ZBTB44: variants seen among roughly 807,000 people sequenced by gnomAD.
ZBTB44 encodes the protein zinc finger and BTB domain containing 44.
ZBTB44 carries 15 observed loss-of-function variants against 54.0 expected under a neutral mutation model. The ratio of observed to expected loss-of-function variants is 0.28; its 90% CI spans 0.19 to 0.43. The LOEUF is 0.43. ZBTB44 is among the 20% of genes least tolerant of loss of function. ZBTB44 has a pLI of 1.00. For synonymous variants in ZBTB44, 230 were observed against 250.1 expected, an observed-to-expected ratio of 0.92 and a Z score of 0.76; for missense variants, 487 against 707.1, an observed-to-expected ratio of 0.69 and a Z score of 3.53.
intron 1 of ZBTB44, among the ~76,000 whole-genome samples, chr11:130,307,071 CAAA>C (rs201177615): frequency 7.4e-6 from 1 of 134,484 alleles, no homozygotes. Context: ...AAAGAACAAG[CAAA>C]AAAAAAAAAA....
chr11:130,256,837 C>A (rs949618445), intron 2 of ZBTB44, among the ~76,000 whole-genome samples: 1 of 151,962 alleles, frequency 6.6e-6, no homozygotes, highest in African/African-American at 2.4e-5. Context: ...AAAACCGGCA[C>A]AAGACAAGGA....
At chr11:130,312,451 AG>A (rs1177719438) in intron 1 of ZBTB44, among the ~76,000 whole-genome samples, 1 of 152,238 alleles carries the variant, frequency 6.6e-6, no homozygotes, top group East Asian at 1.9e-4. Context: ...TTCTTGCCAA[AG>A]GAAGTTTTAC....
At chr11:130,248,552 A>G (rs1182599552) in intron 2 of ZBTB44, among the ~76,000 whole-genome samples, 2 of 151,876 alleles carry the variant, frequency 1.3e-5, no homozygotes, top group African/African-American at 4.8e-5. Flanking sequence ...GAGGCAGGAC[A>G]ATTACTTGAA....
intron 2 of ZBTB44, 88 bp from the exon 3 acceptor site, chr11:130,239,984 T>A: frequency 1.2e-6 from 1 of 848,198 alleles, no homozygotes; most frequent in Non-Finnish European, 1.9e-6. Flanking sequence ...TCTAAGCCTC[T>A]GACATATATT....
intron 1 of ZBTB44, among the ~76,000 whole-genome samples, chr11:130,277,455 G>A (rs997536836): frequency 1.3e-5 from 2 of 151,534 alleles, no homozygotes; most frequent in Non-Finnish European, 3.0e-5. Flanking sequence ...AACACAATAT[G>A]TGGTCATGAT....
intron 5 of ZBTB44, 109 bp downstream of exon 5, chr11:130,236,684 G>A (rs1057033269): frequency 3.4e-6 from 4 of 1,165,370 alleles, no homozygotes; most frequent in Non-Finnish European, 4.4e-6. Context: ...TAACAAATGT[G>A]ACTGACTAGC....
chr11:130,239,713 G>C (rs1422528228), intron 3 of ZBTB44, 99 bp downstream of exon 3: 1 of 903,638 alleles, frequency 1.1e-6, no homozygotes, highest in African/African-American at 1.7e-5. Flanking sequence ...ACTGAAGTGA[G>C]GTTGTAATAA....
intron 1 of ZBTB44, among the ~76,000 whole-genome samples, chr11:130,313,231 A>T (rs945189601): frequency 1.3e-5 from 2 of 152,228 alleles, no homozygotes; most frequent in Non-Finnish European, 2.9e-5. Flanking sequence ...CGTATCACTA[A>T]GTTTGTCACT....
chr11:130,307,408 C>T (rs1942333849), intron 1 of ZBTB44, among the ~76,000 whole-genome samples: 1 of 135,676 alleles, frequency 7.4e-6, no homozygotes, highest in African/African-American at 2.8e-5. Context: ...CTGGGCAACA[C>T]AGCAAGACTC....
chr11:130,264,056 G>A (rs543927119), intron 1 of ZBTB44, among the ~76,000 whole-genome samples: 61 of 152,260 alleles, frequency 4.0e-4, no homozygotes, highest in Admixed American at 1.8e-3. Context: ...TCTGCATGCT[G>A]GTTCTGCTAT....
chr11:130,279,945 T>C (rs1940387764), intron 1 of ZBTB44, among the ~76,000 whole-genome samples: 1 of 152,188 alleles, frequency 6.6e-6, no homozygotes, highest in Admixed American at 6.5e-5. Flanking sequence ...TCTCTAAAGC[T>C]GGGGATGGAA....
chr11:130,298,175 ACT>A (rs1331907132), intron 1 of ZBTB44, among the ~76,000 whole-genome samples: 1 of 151,878 alleles, frequency 6.6e-6, no homozygotes, highest in Non-Finnish European at 1.5e-5. Flanking sequence ...ATAGGGTCTT[ACT>A]CTGTTGCCTA....
chr11:130,288,029 C>T (rs561371492), intron 1 of ZBTB44, among the ~76,000 whole-genome samples: 1 of 151,318 alleles, frequency 6.6e-6, no homozygotes, highest in Non-Finnish European at 1.5e-5. Context: ...CTCTTTAAGT[C>T]TGGCTTATTG....
chr11:130,267,776 C>T (rs538641435), intron 1 of ZBTB44, among the ~76,000 whole-genome samples: 3 of 152,134 alleles, frequency 2.0e-5, no homozygotes, highest in East Asian at 1.9e-4. Flanking sequence ...GAGAAATCCT[C>T]GTGAAGGCCG....
chr11:130,256,327 G>A (rs527778476), intron 2 of ZBTB44, among the ~76,000 whole-genome samples: 7 of 152,182 alleles, frequency 4.6e-5, no homozygotes, highest in Non-Finnish European at 8.8e-5. Flanking sequence ...ACGTAAAACA[G>A]AACCAATGAC....
At chr11:130,313,771 T>C (rs957860229) in intron 1 of ZBTB44, among the ~76,000 whole-genome samples, 4 of 152,172 alleles carry the variant, frequency 2.6e-5, no homozygotes, top group Admixed American at 2.6e-4. Context: ...CTTGGATTCA[T>C]AGAACTCACA....
At chr11:130,257,173 T>C (rs996892932) in intron 2 of ZBTB44, among the ~76,000 whole-genome samples, 2 of 150,024 alleles carry the variant, frequency 1.3e-5, no homozygotes, top group African/African-American at 4.9e-5. Flanking sequence ...CATTCATAAT[T>C]GCTACAAAGA....
At chr11:130,236,389 G>C (rs1954113841) in intron 5 of ZBTB44, among the ~76,000 whole-genome samples, 1 of 152,128 alleles carries the variant, frequency 6.6e-6, no homozygotes, top group South Asian at 2.1e-4. Context: ...TTTTTAAATA[G>C]AGAGAAGTGG....
intron 2 of ZBTB44, 60 bp downstream of exon 2, chr11:130,260,796 G>T: frequency 6.6e-7 from 1 of 1,505,062 alleles, no homozygotes; most frequent in Non-Finnish European, 8.8e-7. Context: ...TATCTAACAG[G>T]AACTTAAAAA....
Sources: gnomAD v4.1 joint callset for allele counts (sites outside exome capture counted in the v4.1 genomes callset) on GRCh38, gnomAD v4.1.1 for gene constraint, MANE v1.5 for transcripts, NCBI Gene and HGNC (gene_info 2026-07-23, HGNC 2026-07-21) for gene names.